The following KDM4C variants were observed in gnomAD, a reference collection of about 807,000 sequenced individuals.
The protein encoded by KDM4C is lysine-specific demethylase 4C.
A neutral mutation model predicts 129.3 loss-of-function variants in KDM4C; 81 were observed. The ratio of observed to expected loss-of-function variants is 0.63; its 90% CI spans 0.52 to 0.75. The LOEUF is 0.75. Among genes scored for constraint, KDM4C ranks in the 30% least tolerant of loss-of-function variants. The pLI is 0.00. For missense variants in KDM4C, 1,457 were observed against 1,304.0 expected (o/e 1.12, Z -1.81); for synonymous variants, 573 against 456.1 (o/e 1.26, Z -3.26).
At chr9:7,150,190 A>G (rs1035801224) in intron 19 of KDM4C, among the ~76,000 whole-genome samples, 1 of 152,208 alleles carries the variant, frequency 6.6e-6, no homozygotes, top group Non-Finnish European at 1.5e-5. Flanking sequence ...AGAGTGCCGC[A>G]GGAGCCGCCC....
intron 2 of KDM4C, among the ~76,000 whole-genome samples, chr9:6,800,702 C>G (rs1263282356): frequency 6.6e-6 from 1 of 152,158 alleles, no homozygotes. Context: ...TCTTGGCTCA[C>G]TGCAGCCTTG....
chr9:7,121,639 G>T (rs1839498277), intron 18 of KDM4C, among the ~76,000 whole-genome samples: 1 of 152,114 alleles, frequency 6.6e-6, no homozygotes, highest in Admixed American at 6.6e-5. Flanking sequence ...TGTGTACGTA[G>T]ATGAAAAGTG....
At chr9:6,908,449 C>G (rs902686501) in intron 8 of KDM4C, among the ~76,000 whole-genome samples, 1 of 152,054 alleles carries the variant, frequency 6.6e-6, no homozygotes, top group Non-Finnish European at 1.5e-5. Context: ...GTGTGCAGGT[C>G]CCCCACCACT....
rs149157022 is a variant in KDM4C at position 7,030,471 on chromosome 9, A to G, written c.2259+14542A>G. On this transcript the variant is annotated intron_variant, in intron 15 of 21. Coordinates refer to ENST00000381309, the MANE Select transcript of KDM4C (RefSeq NM_015061.6). Reference sequence around the variant, plus strand: ...TAAACTAAACTGTGGATTCTGGGTGATGATGTGTCAGTGTAGGTTCATCAG... The same window carrying G: ...TAAACTAAACTGTGGATTCTGGGTGGTGATGTGTCAGTGTAGGTTCATCAG... 8.3e-4 allele frequency among the ~76,000 whole-genome samples: 127 copies of G among 152,278 alleles called. 1 individual carries two copies. The Middle Eastern group carries it at 0.01, about 12-fold the overall frequency.
At position 7,174,882 on chromosome 9, in the gene KDM4C, A is replaced by G. The variant is rs555081610; in HGVS notation, c.*153A>G. 3.4e-6 allele frequency: 2 copies of G among 586,414 alleles called. No individual in the cohort carries two copies. The highest frequency in any genetic ancestry group is 5.1e-5 in the South Asian group (2 of 39,386). The allele number at this position is 586,414 out of a possible 1,614,324, so 36.3% of individuals were successfully genotyped here. On this transcript the variant is annotated 3_prime_UTR_variant, in exon 22 of 22. Transcript: ENST00000381309. The stretch of plus-strand genomic sequence containing the variant: ...TCGGGTTTCCAGAGTTTGGTCACCA[A>G]AAATACAAAATACACCCAATGAATT...
At chr9:6,740,407 G>A (rs1164486003) in intron 1 of KDM4C, among the ~76,000 whole-genome samples, 3 of 151,520 alleles carry the variant, frequency 2.0e-5, no homozygotes, top group African/African-American at 4.9e-5. Context: ...GTTTCACCGT[G>A]TTAGCCAGGA....
chr9:6,849,674 T>G lies in KDM4C; in HGVS notation c.603T>G (p.Tyr201Ter). The change falls in exon 5 of 22, where the codon TAT becomes TAG. Residue 201 changes from tyrosine (Y) to a stop codon, truncating the protein, a stop_gained. Transcript: ENST00000381309. LOFTEE classifies it high-confidence loss of function. ...TEDMDLYSINYLHFGEPKSWY... is the reference protein window; with the variant it reads ...TEDMDLYSIN ...ACATGGACCTCTATAGCATTAATTA[T>G]CTCCACTTTGGAGAGCCCAAGTCTT... is the stretch of plus-strand genomic sequence containing the variant. 1.2e-6 allele frequency: 2 copies of G among 1,600,860 alleles called. No individual in the cohort carries two copies. The highest frequency in any genetic ancestry group is 1.7e-6 in the Non-Finnish European group (2 of 1,170,654).
chr9:6,771,990 T>C (rs1414264232), intron 1 of KDM4C, among the ~76,000 whole-genome samples: 2 of 152,210 alleles, frequency 1.3e-5, no homozygotes, highest in Non-Finnish European at 2.9e-5. Flanking sequence ...CAGCAGGCTT[T>C]CAGTGTGAAC....
intron 2 of KDM4C, 143 bp from the exon 3 acceptor site, chr9:6,805,456 A>G (rs893188167): frequency 1.6e-5 from 10 of 608,412 alleles, no homozygotes; most frequent in African/African-American, 1.6e-4. Context: ...TTTATTGCAA[A>G]TATTCATCTT....
rs146597514 is a variant in KDM4C, at chr9:7,174,573, A to T, written c.3015A>T (p.Arg1005=). 2,070 of 1,614,178 alleles carry T rather than the reference A, an allele frequency of 1.3e-3. 2 individuals are homozygous for T. The highest frequency in any genetic ancestry group is 1.7e-3 in the Non-Finnish European group (1,972 of 1,180,008). The change falls in exon 22 of 22, where the codon CGA becomes CGT. Residue 1005 remains arginine (R), a synonymous_variant. Transcript: ENST00000381309. ...TTTAGTCCACAGCCTCTGACATGCG[A>T]TTTGAAGACACGTTTTATGGAGCAG... is the stretch of plus-strand genomic sequence containing the variant. The part of the protein sequence containing the change: ...KARFSTASDM[R]FEDTFYGADI...
intron 8 of KDM4C, among the ~76,000 whole-genome samples, chr9:6,912,336 A>C (rs1819476967): frequency 2.0e-5 from 3 of 152,198 alleles, no homozygotes; most frequent in Admixed American, 2.0e-4. Context: ...CCCCTGTGTG[A>C]TAAAGTACTG....
intron 17 of KDM4C, among the ~76,000 whole-genome samples, chr9:7,071,474 A>T (rs9696648): frequency 0.15 from 22,538 of 152,056 alleles, 2,043 homozygotes; most frequent in African/African-American, 0.25. Context: ...AAATTTCAGG[A>T]CTAGACACAT....
At chr9:7,119,811 C>T (rs1238124999) in intron 18 of KDM4C, among the ~76,000 whole-genome samples, 2 of 152,158 alleles carry the variant, frequency 1.3e-5, no homozygotes, top group Admixed American at 1.3e-4. Flanking sequence ...TACTTCCTGG[C>T]AGCCTCCCTC....
intron 1 of KDM4C, among the ~76,000 whole-genome samples, chr9:6,784,428 C>T (rs1825032972): frequency 6.6e-6 from 1 of 152,148 alleles, no homozygotes. Context: ...GACAGGGTTT[C>T]ACCATGTTGG....
chr9:7,085,982 C>G (rs1246161143), intron 17 of KDM4C, among the ~76,000 whole-genome samples: 1 of 152,128 alleles, frequency 6.6e-6, no homozygotes, highest in Non-Finnish European at 1.5e-5. Context: ...ATGGCAAAAT[C>G]CCGTGTCTAC....
Position 6,892,918 on chromosome 9 carries a change from G to A in KDM4C, c.784-177G>A, listed in dbSNP as rs551288805. ...TCCTATTTAGGAAAGTCTTTTAAACGTTTCCTGAAAAAGCACTATTAAAGG... is the reference window on the plus strand; with the variant it reads ...TCCTATTTAGGAAAGTCTTTTAAACATTTCCTGAAAAAGCACTATTAAAGG... On this transcript the variant is annotated intron_variant, in intron 7 of 21. Transcript: ENST00000381309. Among the ~76,000 whole-genome samples the A allele has an allele frequency of 3.3e-5, 5 of 152,202 alleles. No homozygotes were observed. In the South Asian group the frequency reaches 8.3e-4, roughly 25 times the overall value.
At chr9:6,768,961 C>G (rs966681484) in intron 1 of KDM4C, among the ~76,000 whole-genome samples, 1 of 151,768 alleles carries the variant, frequency 6.6e-6, no homozygotes, top group African/African-American at 2.4e-5. Context: ...TTAGTAGAGG[C>G]GGGGTTTCAC....
rs184386958 is a variant in KDM4C at position 7,095,598 on chromosome 9, T to G, written c.2425-8087T>G. Among the ~76,000 whole-genome samples, 73 of 152,294 alleles carry G rather than the reference T, an allele frequency of 4.8e-4. 1 individual carries two copies. The East Asian group carries it at 0.013, about 27-fold the overall frequency. On this transcript the variant is annotated intron_variant, in intron 17 of 21. Transcript: ENST00000381309. ...TAAATTGTGCCATATGGGAAAATTA[T>G]GTGTCCTTTAATTTAACTAATGTGA...
chr9:6,882,310 A>G (rs1457678080), intron 6 of KDM4C, among the ~76,000 whole-genome samples: 2 of 152,230 alleles, frequency 1.3e-5, no homozygotes, highest in African/African-American at 2.4e-5. Flanking sequence ...GAGAGTTATA[A>G]TGTTAAATCA....
Sources: allele counts gnomAD v4.1 joint callset (sites outside exome capture counted in the v4.1 genomes callset), GRCh38; gene constraint gnomAD v4.1.1; transcripts MANE v1.5; gene names NCBI Gene and HGNC (gene_info 2026-07-23, HGNC 2026-07-21).